Variants in DLGAP1 observed in about 807,000 individuals in gnomAD.
DLGAP1 encodes the protein disks large-associated protein 1.
Under a neutral mutation model 90.8 loss-of-function variants are expected in DLGAP1, and 11 were observed. That is an observed-to-expected ratio of 0.12 (90% CI 0.08 to 0.20). The LOEUF is 0.20. Among genes scored for constraint, DLGAP1 ranks in the 10% least tolerant of loss-of-function variants. The pLI is 1.00. For synonymous variants in DLGAP1, 558 were observed against 540.7 expected, an observed-to-expected ratio of 1.03 and a Z score of -0.44; for missense variants, 1,050 against 1,333.8, an observed-to-expected ratio of 0.79 and a Z score of 3.31.
chr18:3,563,825 T>C (rs778739767), intron 9 of DLGAP1, among the ~76,000 whole-genome samples: 20 of 152,196 alleles, frequency 1.3e-4, no homozygotes, highest in Non-Finnish European at 2.8e-4. Context: ...GAAGTTTCTA[T>C]TGTTATATCC....
chr18:3,825,718 T>C (rs1255956634), intron 4 of DLGAP1, among the ~76,000 whole-genome samples: 1 of 152,124 alleles, frequency 6.6e-6, no homozygotes, highest in Non-Finnish European at 1.5e-5. Flanking sequence ...GAAAAAAATC[T>C]CCGTTCCTCA....
At chr18:4,299,197 T>C (rs1455391483) in intron 1 of DLGAP1, among the ~76,000 whole-genome samples, 1 of 151,852 alleles carries the variant, frequency 6.6e-6, no homozygotes, top group Non-Finnish European at 1.5e-5. Context: ...TAATAAGCCA[T>C]TCATGTAATT....
chr18:3,509,144 T>G (rs484669), intron 10 of DLGAP1, among the ~76,000 whole-genome samples: 3 of 152,074 alleles, frequency 2.0e-5, no homozygotes, highest in African/African-American at 7.2e-5. Flanking sequence ...GGGAATCTCT[T>G]GGCACTCACC....
intron 3 of DLGAP1, among the ~76,000 whole-genome samples, chr18:3,937,205 A>C (rs1339493549): frequency 6.6e-6 from 1 of 152,186 alleles, no homozygotes; most frequent in Non-Finnish European, 1.5e-5. Context: ...ACATGATAAC[A>C]AACGTGTATT....
chr18:4,305,908 T>G (rs2080241409), intron 1 of DLGAP1, among the ~76,000 whole-genome samples: 1 of 43,298 alleles, frequency 2.3e-5, no homozygotes, highest in African/African-American at 3.1e-5. Flanking sequence ...GCATGATTAT[T>G]ATTTTTTTTT....
intron 8 of DLGAP1, among the ~76,000 whole-genome samples, chr18:3,568,060 G>A (rs750585158): frequency 7.9e-5 from 12 of 151,978 alleles, no homozygotes; most frequent in African/African-American, 2.7e-4. Context: ...CACCATGTCC[G>A]GCTAATTTTT....
At chr18:4,448,813 AG>A (rs2083735923) in intron 1 of DLGAP1, among the ~76,000 whole-genome samples, 1 of 152,238 alleles carries the variant, frequency 6.6e-6, no homozygotes, top group Non-Finnish European at 1.5e-5. Flanking sequence ...TAAAGATGTT[AG>A]ATTCCAGTCT....
At chr18:4,161,515 C>T (rs1409319526) in intron 1 of DLGAP1, among the ~76,000 whole-genome samples, 1 of 152,088 alleles carries the variant, frequency 6.6e-6, no homozygotes, top group Non-Finnish European at 1.5e-5. Context: ...TGGGTTGATT[C>T]CATGTCTTTG....
At chr18:3,888,800 G>A (rs746543859) in intron 3 of DLGAP1, among the ~76,000 whole-genome samples, 49 of 152,156 alleles carry the variant, frequency 3.2e-4, no homozygotes, top group Non-Finnish European at 6.0e-4. Context: ...AATCCAGGCA[G>A]TAAACGATAA....
intron 4 of DLGAP1, among the ~76,000 whole-genome samples, chr18:3,865,769 A>T (rs2070344316): frequency 6.6e-6 from 1 of 152,242 alleles, no homozygotes; most frequent in African/African-American, 2.4e-5. Context: ...AACAGGGGTC[A>T]GAACGGCTAC....
At chr18:3,963,459 A>C (rs561880163) in intron 3 of DLGAP1, among the ~76,000 whole-genome samples, 58 of 151,920 alleles carry the variant, frequency 3.8e-4, no homozygotes, top group Admixed American at 8.5e-4. Flanking sequence ...CCACCTCCTA[A>C]TTACTGACAC....
chr18:4,246,270 TA>T (rs199707125), intron 1 of DLGAP1, among the ~76,000 whole-genome samples: 1 of 151,022 alleles, frequency 6.6e-6, no homozygotes, highest in African/African-American at 2.4e-5. Context: ...CCTGATTTGA[TA>T]AAAAAAAGGA....
At chr18:3,579,543 T>G (rs2055365136) in intron 8 of DLGAP1, among the ~76,000 whole-genome samples, 1 of 152,192 alleles carries the variant, frequency 6.6e-6, no homozygotes, top group African/African-American at 2.4e-5. Flanking sequence ...TAGAGTGGGT[T>G]CAATGTGGAT....
At chr18:4,201,215 T>G (rs2077600377) in intron 1 of DLGAP1, among the ~76,000 whole-genome samples, 1 of 152,176 alleles carries the variant, frequency 6.6e-6, no homozygotes, top group Non-Finnish European at 1.5e-5. Context: ...ACAAATTCTT[T>G]GCCTAGGCCA....
At chr18:4,322,209 GAAAAA>G (rs1235302229) in intron 1 of DLGAP1, among the ~76,000 whole-genome samples, 1 of 148,366 alleles carries the variant, frequency 6.7e-6, no homozygotes, top group Non-Finnish European at 1.5e-5. Context: ...CAGAAAAAAA[GAAAAA>G]AAAAGAAAGA....
chr18:4,333,775 A>T (rs969780315), intron 1 of DLGAP1, among the ~76,000 whole-genome samples: 3 of 149,998 alleles, frequency 2.0e-5, no homozygotes, highest in Non-Finnish European at 4.4e-5. Flanking sequence ...GCCCACCACC[A>T]CGCCCGGCTA....
intron 2 of DLGAP1, among the ~76,000 whole-genome samples, chr18:4,133,201 GAC>G (rs1411686888): frequency 2.0e-5 from 3 of 152,126 alleles, no homozygotes; most frequent in Non-Finnish European, 2.9e-5. Context: ...AGGTTTGGGA[GAC>G]AGAGAAATCC....
At chr18:4,064,376 T>C (rs899224720) in intron 2 of DLGAP1, among the ~76,000 whole-genome samples, 70 of 151,712 alleles carry the variant, frequency 4.6e-4, no homozygotes, top group African/African-American at 1.7e-3. Flanking sequence ...TAGAGACACA[T>C]GAAAAACCAT....
intron 4 of DLGAP1, among the ~76,000 whole-genome samples, chr18:3,846,090 G>C (rs79464851): frequency 0.061 from 8,760 of 142,796 alleles, 377 homozygotes; most frequent in Non-Finnish European, 0.082. Context: ...GTCTCATTTC[G>C]GGATGGGGCA....
Sources: allele counts gnomAD v4.1 joint callset (sites outside exome capture counted in the v4.1 genomes callset), GRCh38; gene constraint gnomAD v4.1.1; transcripts MANE v1.5; gene names NCBI Gene and HGNC (gene_info 2026-07-23, HGNC 2026-07-21).